The following TFCP2 variants were observed in gnomAD, a reference collection of about 807,000 sequenced individuals.
The protein encoded by TFCP2 is transcription factor CP2, also known as alpha-globin transcription factor CP2.
In TFCP2, 33 loss-of-function variants were observed where a neutral mutation model predicts 73.4. The ratio of observed to expected loss-of-function variants is 0.45; its 90% CI spans 0.34 to 0.60. The LOEUF (loss-of-function observed/expected upper bound fraction) is 0.60. TFCP2 is among the 20% of genes least tolerant of loss of function. The pLI is 0.01. For synonymous variants in TFCP2, 193 were observed against 211.6 expected (o/e 0.91, Z 0.76); for missense variants, 352 against 604.0 (o/e 0.58, Z 4.37).
At chr12:51,096,470 G>C (rs1474012230) in intron 13 of TFCP2, among the ~76,000 whole-genome samples, 1 of 152,122 alleles carries the variant, frequency 6.6e-6, no homozygotes, top group Non-Finnish European at 1.5e-5. Context: ...ATAAAGGCAT[G>C]AGTTTCACCC....
intron 1 of TFCP2, chr12:51,125,455 A>G (rs1566212979): frequency 7.9e-6 from 3 of 378,918 alleles, no homozygotes; most frequent in Non-Finnish European, 1.5e-5. Flanking sequence ...TCTGACCTCC[A>G]TATGAATCAA....
At chr12:51,156,344 G>GT (rs1555147280) in intron 1 of TFCP2, among the ~76,000 whole-genome samples, 4 of 105,962 alleles carry the variant, frequency 3.8e-5, no homozygotes, top group Non-Finnish European at 9.3e-5. Context: ...GAGGAAGCAA[G>GT]GGGGGGGGAG....
At chr12:51,168,819 T>G (rs897097949) in intron 1 of TFCP2, among the ~76,000 whole-genome samples, 8 of 146,792 alleles carry the variant, frequency 5.4e-5, no homozygotes, top group Non-Finnish European at 1.0e-4. Context: ...ATTTTTTTTT[T>G]GAGATGCAGT....
intron 5 of TFCP2, 95 bp from the exon 6 acceptor site, chr12:51,109,368 C>T: frequency 7.5e-7 from 1 of 1,329,742 alleles, no homozygotes; most frequent in Admixed American, 1.9e-5. Flanking sequence ...AAACCTTTAC[C>T]AGGCATTATG....
chr12:51,149,030 A>AAAAAAAAAAAAAAAAAAAAAAAAAC (rs1941362729), intron 1 of TFCP2, among the ~76,000 whole-genome samples: 1 of 148,292 alleles, frequency 6.7e-6, no homozygotes, highest in Non-Finnish European at 1.5e-5. Context: ...ATCTCAAAAA[A>AAAAAAAAAAAAAAAAAAAAAAAAAC]AAAAAAAAAA....
chr12:51,165,145 A>C (rs1209903468), intron 1 of TFCP2, among the ~76,000 whole-genome samples: 2 of 152,126 alleles, frequency 1.3e-5, no homozygotes, highest in African/African-American at 2.4e-5. Context: ...CCTTGAGTCC[A>C]GGAGTTCAAG....
intron 1 of TFCP2, among the ~76,000 whole-genome samples, chr12:51,163,450 T>C (rs1342258384): frequency 6.6e-6 from 1 of 151,790 alleles, no homozygotes; most frequent in African/African-American, 2.4e-5. Flanking sequence ...ATTAGCTGGG[T>C]GTGGTGGTGT....
intron 1 of TFCP2, among the ~76,000 whole-genome samples, chr12:51,151,367 G>T (rs568797150): frequency 6.6e-6 from 1 of 152,316 alleles, no homozygotes; most frequent in South Asian, 2.1e-4. Context: ...ACTAAAACAG[G>T]TACACCTTGG....
At chr12:51,135,476 GA>G (rs1941043454) in intron 1 of TFCP2, among the ~76,000 whole-genome samples, 1 of 152,084 alleles carries the variant, frequency 6.6e-6, no homozygotes, top group African/African-American at 2.4e-5. Context: ...TTTTAAGTCA[GA>G]AAGTATTTAG....
At chr12:51,109,764 G>T (rs752339148) in intron 5 of TFCP2, among the ~76,000 whole-genome samples, 1 of 149,536 alleles carries the variant, frequency 6.7e-6, no homozygotes, top group East Asian at 2.0e-4. Flanking sequence ...TGTCACCCAG[G>T]CTGGAATGCA....
chr12:51,129,498 G>A (rs1277810814), intron 1 of TFCP2, among the ~76,000 whole-genome samples: 1 of 139,970 alleles, frequency 7.1e-6, no homozygotes, highest in African/African-American at 2.7e-5. Context: ...TCGGGCGACA[G>A]TGAAAGACCC....
intron 1 of TFCP2, among the ~76,000 whole-genome samples, chr12:51,147,518 A>G (rs78238804): frequency 7.1e-6 from 1 of 140,244 alleles, no homozygotes; most frequent in African/African-American, 2.6e-5. Context: ...GGAGACCAGG[A>G]TAGGAAGAGG....
intron 6 of TFCP2, 117 bp from the exon 7 acceptor site, chr12:51,107,463 G>GTGAT (rs1277417799): frequency 2.7e-6 from 2 of 752,670 alleles, no homozygotes; most frequent in Non-Finnish European, 4.6e-6. Context: ...GTGATGTAAA[G>GTGAT]GCAAGACACA....
At chr12:51,114,844 AAG>A (rs1017772623) in intron 4 of TFCP2, among the ~76,000 whole-genome samples, 1 of 151,558 alleles carries the variant, frequency 6.6e-6, no homozygotes, top group African/African-American at 2.4e-5. Context: ...CGGGCAGATC[AAG>A]AGGTCAAGAG....
At chr12:51,154,036 T>C (rs1337329872) in intron 1 of TFCP2, among the ~76,000 whole-genome samples, 1 of 32,360 alleles carries the variant, frequency 3.1e-5, no homozygotes, top group Non-Finnish European at 9.7e-5. Flanking sequence ...TGCCAACACC[T>C]GTTACTTTGA....
intron 4 of TFCP2, among the ~76,000 whole-genome samples, chr12:51,111,802 C>T (rs557693751): frequency 7.4e-4 from 112 of 150,892 alleles, no homozygotes; most frequent in South Asian, 5.7e-3. Context: ...TGCAGTGAGC[C>T]GGAGATCGAG....
At chr12:51,095,813 C>CAAAA (rs34105291) in intron 14 of TFCP2, among the ~76,000 whole-genome samples, 176 bp downstream of exon 14, 2 of 84,140 alleles carry the variant, frequency 2.4e-5, no homozygotes, top group Admixed American at 1.6e-4. Context: ...GACTCTGTTT[C>CAAAA]AAAAAAAAAA....
chr12:51,148,699 C>CAAAAAAAAAAAAAAA (rs140565414), intron 1 of TFCP2, among the ~76,000 whole-genome samples: 1 of 100,150 alleles, frequency 1.0e-5, no homozygotes, highest in Non-Finnish European at 1.9e-5. Context: ...GACTCTGTCT[C>CAAAAAAAAAAAAAAA]AAAAAAAAAA....
At chr12:51,120,537 TTGTAAC>T (rs751627804) in intron 1 of TFCP2, among the ~76,000 whole-genome samples, 34 of 152,036 alleles carry the variant, frequency 2.2e-4, no homozygotes, top group Non-Finnish European at 4.3e-4. Context: ...TGCTACGTGG[TTGTAAC>T]TGTAACAGCT....
Sources: allele counts gnomAD v4.1 joint callset (sites outside exome capture counted in the v4.1 genomes callset), GRCh38; gene constraint gnomAD v4.1.1; transcripts MANE v1.5; gene names NCBI Gene and HGNC (gene_info 2026-07-23, HGNC 2026-07-21).